MBNL2: variants seen among roughly 807,000 people sequenced by gnomAD.
MBNL2 encodes the protein muscleblind like splicing regulator 2.
In MBNL2, 17 loss-of-function variants were observed where a neutral mutation model predicts 41.9. That is an observed-to-expected ratio of 0.41 (90% CI 0.28 to 0.61). The LOEUF (loss-of-function observed/expected upper bound fraction) is 0.61. Ranked by LOEUF, MBNL2 falls within the 20% of genes least tolerant of loss-of-function variation. The pLI, the probability that MBNL2 is intolerant of heterozygous loss-of-function variation, is 0.35. For missense variants in MBNL2, 336 were observed against 505.6 expected, an observed-to-expected ratio of 0.66 and a Z score of 3.22; for synonymous variants, 195 against 182.9, an observed-to-expected ratio of 1.07 and a Z score of -0.53.
upstream of MBNL2, among the ~76,000 whole-genome samples, chr13:97,218,608 C>A (rs1474156603): frequency 6.6e-6 from 1 of 151,888 alleles, no homozygotes; most frequent in Admixed American, 6.6e-5. Context: ...TAGTTGATAT[C>A]TTCTTGCTAC....
At chr13:97,222,285 G>A, upstream of MBNL2, 1 of 397,054 alleles carries the variant, frequency 2.5e-6, no homozygotes, top group African/African-American at 2.1e-5. Context: ...GCCCCGGCTG[G>A]GAGGGATTTG....
chr13:97,247,893 C>CA lies in MBNL2; in HGVS notation c.-605+25364dup, dbSNP rs527660791. Among the ~76,000 whole-genome samples the CA allele has an allele frequency of 2.4e-4, 36 of 152,274 alleles. No individual in the cohort carries two copies. In the South Asian group the frequency reaches 7.5e-3, roughly 32 times the overall value. On this transcript the variant is annotated intron_variant, in intron 1 of 8. Transcript: ENST00000679496. ...CATTTACTACTCAACACTTTCTCCCCAATTACCTTTTCAGTCTCAAAGCGT... is the reference window on the plus strand; with the variant it reads ...CATTTACTACTCAACACTTTCTCCCCAAATTACCTTTTCAGTCTCAAAGCGT...
chr13:97,287,529 G>A (rs2054722048), intron 2 of MBNL2, among the ~76,000 whole-genome samples: 1 of 151,900 alleles, frequency 6.6e-6, no homozygotes, highest in Non-Finnish European at 1.5e-5. Context: ...CAATATTCCA[G>A]CCATTTGAAA....
the MBNL2 span, among the ~76,000 whole-genome samples, chr13:97,207,397 C>G: frequency 6.6e-6 from 1 of 152,292 alleles, no homozygotes; most frequent in South Asian, 2.1e-4. Flanking sequence ...TACAGTTCCA[C>G]GTGGCTGGGG....
chr13:97,155,394 A>ATT, the MBNL2 span, among the ~76,000 whole-genome samples: 1 of 115,300 alleles, frequency 8.7e-6, no homozygotes, highest in Non-Finnish European at 1.8e-5. Flanking sequence ...TTTTTTTTTT[A>ATT]TTTTTTTTTT....
At position 97,366,568 on chromosome 13, in the gene MBNL2, A is replaced by G; in HGVS notation, c.1048+1397A>G. On this transcript the variant is annotated intron_variant, in intron 8 of 8. Transcript: ENST00000679496. The surrounding 1 kb of genome is among the most constrained non-coding windows in gnomAD (Gnocchi z 4.7). ...CAGCCAATCAGGTTTGCTCCTTTTA[A>G]AGCTTTCTTTCACAAATCCCAAACT... 2 of 1,554,454 alleles carry G rather than the reference A, an allele frequency of 1.3e-6. No individual in the cohort carries two copies. Among genetic ancestry groups the G allele is most frequent in the Non-Finnish European group, 1.8e-6 (2 of 1,129,086 alleles).
At chr13:97,204,400 T>C in the MBNL2 span, among the ~76,000 whole-genome samples, 2 of 152,194 alleles carry the variant, frequency 1.3e-5, no homozygotes, top group Non-Finnish European at 2.9e-5. Context: ...TAACAAAACA[T>C]CCATTTAAAA....
upstream of MBNL2, among the ~76,000 whole-genome samples, chr13:97,218,485 TGATA>T (rs1002406126): frequency 1.3e-4 from 17 of 134,212 alleles, no homozygotes; most frequent in South Asian, 2.3e-4. Context: ...AAGGATGGAG[TGATA>T]GATCTCGAAT....
At chr13:97,227,472 G>A (rs886926718) in intron 1 of MBNL2, among the ~76,000 whole-genome samples, 5 of 152,214 alleles carry the variant, frequency 3.3e-5, no homozygotes, top group African/African-American at 4.8e-5. Flanking sequence ...TCTTCAGAAG[G>A]AGAATTAACA....
chr13:97,330,829 A>G (rs1019758033), intron 2 of MBNL2, among the ~76,000 whole-genome samples: 3 of 152,190 alleles, frequency 2.0e-5, no homozygotes, highest in Non-Finnish European at 4.4e-5. Flanking sequence ...TTACAATCCT[A>G]TAGGATCCAT....
chr13:97,252,140 G>T (rs1288881282), intron 1 of MBNL2, among the ~76,000 whole-genome samples: 11 of 152,082 alleles, frequency 7.2e-5, no homozygotes, highest in Non-Finnish European at 5.9e-5. Context: ...GTGAGCCACC[G>T]CGCCCGGCCG....
At chr13:97,187,224 T>C in the MBNL2 span, among the ~76,000 whole-genome samples, 3 of 152,262 alleles carry the variant, frequency 2.0e-5, no homozygotes, top group Middle Eastern at 3.4e-3. Context: ...CCAGCCTTAT[T>C]GTTTTTCTGT....
intron 1 of MBNL2, among the ~76,000 whole-genome samples, chr13:97,248,173 C>T (rs2045845426): frequency 6.6e-6 from 1 of 152,222 alleles, no homozygotes; most frequent in Admixed American, 6.5e-5. Context: ...TTCTCTGTAA[C>T]CCAGGCTGGG....
chr13:97,238,710 A>C (rs980005365), intron 1 of MBNL2, among the ~76,000 whole-genome samples: 1 of 152,124 alleles, frequency 6.6e-6, no homozygotes. Context: ...TAGCACAGCC[A>C]AAGGGGAGAT....
chr13:97,208,276 T>G, the MBNL2 span, among the ~76,000 whole-genome samples: 1 of 152,230 alleles, frequency 6.6e-6, no homozygotes, highest in African/African-American at 2.4e-5. Flanking sequence ...GAGATCATGT[T>G]GTGGGACCAT....
intron 7 of MBNL2, among the ~76,000 whole-genome samples, chr13:97,358,665 A>C (rs1371006694): frequency 6.6e-6 from 1 of 152,220 alleles, no homozygotes; most frequent in Non-Finnish European, 1.5e-5. Flanking sequence ...GTTAGAAGCA[A>C]GGGGTAACTT....
In MBNL2 at chr13:97,321,154, A is replaced by G. The variant is rs1162612135; in HGVS notation, c.175-13122A>G. 2.0e-5 allele frequency among the ~76,000 whole-genome samples: 3 copies of G among 152,260 alleles called. No individual in the cohort carries two copies. In the East Asian group the frequency reaches 5.8e-4, roughly 29 times the overall value. ...CACATGCAGGGAGACACAATTCAAC[A>G]TGGTCAACCAGGGCACTCTGGCCTT... On this transcript the variant is annotated intron_variant, in intron 2 of 8. Coordinates refer to ENST00000679496, the MANE Select transcript of MBNL2 (RefSeq NM_001382683.1).
intron 3 of MBNL2, among the ~76,000 whole-genome samples, chr13:97,336,948 G>A (rs538739698): frequency 5.9e-5 from 9 of 152,180 alleles, no homozygotes; most frequent in African/African-American, 2.2e-4. Context: ...GTCCACTCCT[G>A]AACCCATTCC....
chr13:97,180,392 T>C, the MBNL2 span, among the ~76,000 whole-genome samples: 3 of 152,162 alleles, frequency 2.0e-5, no homozygotes. Context: ...AAACATTGAA[T>C]AGAAGAATGG....
Sources: allele counts gnomAD v4.1 joint callset (sites outside exome capture counted in the v4.1 genomes callset), GRCh38; gene constraint gnomAD v4.1.1; non-coding constraint Gnocchi (gnomAD v3.1); transcripts MANE v1.5; gene names NCBI Gene and HGNC (gene_info 2026-07-23, HGNC 2026-07-21).